ECE1: variants seen among roughly 807,000 people sequenced by gnomAD.
ECE1 encodes endothelin converting enzyme 1, also known as endothelin-converting enzyme 1.
In ECE1, 35 loss-of-function variants were observed where a neutral mutation model predicts 98.6. That is an observed-to-expected ratio of 0.35 (90% CI 0.27 to 0.47). The LOEUF is 0.47. ECE1 is among the 20% of genes least tolerant of loss of function. The pLI is 1.00. For synonymous variants in ECE1, 394 were observed against 407.1 expected (o/e 0.97, Z 0.39); for missense variants, 814 against 1,025.3 (o/e 0.79, Z 2.81).
intron 1 of ECE1, among the ~76,000 whole-genome samples, chr1:21,304,661 C>A (rs1159243152): frequency 1.3e-5 from 2 of 152,214 alleles, no homozygotes; most frequent in African/African-American, 4.8e-5. Flanking sequence ...ATGAGACTTA[C>A]TGGAAGGGCA....
chr1:21,280,846 T>C (rs541896388), intron 2 of ECE1, among the ~76,000 whole-genome samples: 18 of 151,950 alleles, frequency 1.2e-4, no homozygotes, highest in South Asian at 6.2e-4. Flanking sequence ...GCACCAGAGA[T>C]GGAGGAACAC....
At position 21,290,434 on chromosome 1, in the gene ECE1, G is replaced by A; in HGVS notation, c.-20C>T. 6 of 1,230,764 alleles carry A rather than the reference G, an allele frequency of 4.9e-6. No individual in the cohort carries two copies. The South Asian group carries it at 1.6e-4, about 33-fold the overall frequency. 76.2% of individuals were successfully genotyped at this position (1,230,764 alleles called of 1,614,324 possible). ...CCGCATGCTGTGCCCCAGACGCCTG[G>A]TCCCGCTGCCCGGGTGGCCGGGATG... On this transcript the variant is annotated 5_prime_UTR_variant, in exon 1 of 19. Coordinates refer to ENST00000374893, the MANE Select transcript of ECE1 (RefSeq NM_001397.3). The surrounding 1 kb of genome is among the most constrained non-coding windows in gnomAD (Gnocchi z 7.3).
In ECE1 at chr1:21,290,308, C is replaced by A. The variant is rs1452180657; in HGVS notation, c.51+56G>T. Reference sequence around the variant, plus strand: ...AGACCGGCCCACGGAGCGGCCCGCGCGGGGAGGGGTCCCGCCCGCCTCCCG... The same window carrying A: ...AGACCGGCCCACGGAGCGGCCCGCGAGGGGAGGGGTCCCGCCCGCCTCCCG... On this transcript the variant is annotated intron_variant, in intron 1 of 18. Transcript: ENST00000374893. The surrounding 1 kb of genome is among the most constrained non-coding windows in gnomAD (Gnocchi z 7.3). 5 of 1,237,028 alleles carry A rather than the reference C, an allele frequency of 4.0e-6. No individual in the cohort carries two copies. The highest frequency in any genetic ancestry group is 1.6e-5 in the African/African-American group (1 of 63,310). The allele number at this position is 1,237,028 out of a possible 1,614,324, so 76.6% of individuals were successfully genotyped here. A position where few individuals can be genotyped will look rare whatever the true frequency, so the allele number is the denominator to read the frequency against.
chr1:21,312,829 TA>T (rs1039884121), intron 1 of ECE1, among the ~76,000 whole-genome samples: 34 of 151,938 alleles, frequency 2.2e-4, no homozygotes, highest in Non-Finnish European at 4.1e-4. Flanking sequence ...GGTTTATCAT[TA>T]AAAAAACAAA....
chr1:21,261,758 C>A (rs3026875), intron 4 of ECE1, among the ~76,000 whole-genome samples: 1,719 of 152,284 alleles, frequency 0.011, 32 homozygotes, highest in Non-Finnish European at 0.014. Context: ...AAAAGTCACT[C>A]CCTTCGGAGG....
intron 1 of ECE1, among the ~76,000 whole-genome samples, chr1:21,315,249 C>G (rs58079814): frequency 4.6e-5 from 7 of 152,132 alleles, no homozygotes. Flanking sequence ...CTGCTCATGT[C>G]CCAAGCAAAT....
chr1:21,262,035 C>T (rs2098227662), intron 4 of ECE1, among the ~76,000 whole-genome samples: 1 of 152,200 alleles, frequency 6.6e-6, no homozygotes. Flanking sequence ...CCGAGAGCTC[C>T]CTGCCCCCCG....
chr1:21,267,475 C>A (rs150801037), intron 4 of ECE1, among the ~76,000 whole-genome samples: 7 of 152,164 alleles, frequency 4.6e-5, no homozygotes, highest in African/African-American at 1.4e-4. Flanking sequence ...ACCATAAGAT[C>A]TTGTGAGACT....
chr1:21,290,060 G>T lies in ECE1; in HGVS notation c.138+10C>A. ...CGCCTGGACCTCGGGAGGGAGCGGA[G>T]GGCGCCTACCTGCAGGCCGTTGGGG... On this transcript the variant is annotated intron_variant, in intron 2 of 18. Transcript: ENST00000374893. The surrounding 1 kb of genome is among the most constrained non-coding windows in gnomAD (Gnocchi z 7.3). The T allele has an allele frequency of 6.8e-7, 1 of 1,467,752 alleles. No individual in the cohort carries two copies. Among genetic ancestry groups the T allele is most frequent in the Non-Finnish European group, 9.1e-7 (1 of 1,101,710 alleles). 90.9% of individuals were successfully genotyped at this position (1,467,752 alleles called of 1,614,324 possible).
intron 18 of ECE1, 143 bp downstream of exon 18, chr1:21,221,604 T>C (rs188884807): frequency 3.4e-6 from 3 of 882,164 alleles, no homozygotes; most frequent in East Asian, 2.4e-5. Flanking sequence ...ATCTCTCTAA[T>C]GACAGGGCAC....
intron 1 of ECE1, among the ~76,000 whole-genome samples, chr1:21,341,613 A>C (rs1639400165): frequency 6.6e-6 from 1 of 152,204 alleles, no homozygotes. Flanking sequence ...AAAAGGTAAC[A>C]ACATCCTTGT....
intron 1 of ECE1, among the ~76,000 whole-genome samples, chr1:21,331,969 C>G (rs1639208385): frequency 6.6e-6 from 1 of 152,144 alleles, no homozygotes; most frequent in Admixed American, 6.5e-5. Context: ...CTCCCAGGAG[C>G]CTCCTCAGAA....
rs781575211 is a variant in ECE1 at position 21,244,978 on chromosome 1, A to AG, written c.1278+10dup. The AG allele has an allele frequency of 3.1e-6, 5 of 1,611,938 alleles. No homozygotes were observed. The highest frequency in any genetic ancestry group is 4.2e-6 in the Non-Finnish European group (5 of 1,178,112). ...CAGCCCATATTCAGGCATACGCAGT[A>AG]GCAGGCTCACCTTCTTGGTCCCGTA... On this transcript the variant is annotated intron_variant, in intron 10 of 18. Transcript: ENST00000374893.
At chr1:21,325,113 A>G (rs1253572781) in intron 1 of ECE1, among the ~76,000 whole-genome samples, 2 of 152,180 alleles carry the variant, frequency 1.3e-5, no homozygotes, top group Non-Finnish European at 2.9e-5. Context: ...TGCAAAATCC[A>G]ATTTTGTGTA....
At position 21,307,664 on chromosome 1, in the gene ECE1, G is replaced by A. The variant is rs1219240072; in HGVS notation, c.4-17508C>T. Among the ~76,000 whole-genome samples the A allele has an allele frequency of 6.6e-6, 1 of 152,174 alleles. No homozygotes were observed. The highest frequency in any genetic ancestry group is 1.5e-5 in the Non-Finnish European group (1 of 68,020). On this transcript the variant is annotated intron_variant, in intron 1 of 18. Coordinates refer to the ECE1 transcript ENST00000415912. The surrounding 1 kb of genome is among the most constrained non-coding windows in gnomAD (Gnocchi z 4.2). ...GGCTGGGGCTTCTTTGTACCTCTGAGGTACAAAGTGGAAGCTCTGCCTGGC... is the reference window on the plus strand; with the variant it reads ...GGCTGGGGCTTCTTTGTACCTCTGAAGTACAAAGTGGAAGCTCTGCCTGGC...
rs141488069 is a variant in ECE1 at position 21,253,007 on chromosome 1, C to G, written c.1020+2940G>C. Among the ~76,000 whole-genome samples the G allele has an allele frequency of 3.9e-4, 60 of 152,234 alleles. 1 individual carries two copies. Among genetic ancestry groups the G allele is most frequent in the African/African-American group, 1.4e-3 (57 of 41,536 alleles). On this transcript the variant is annotated intron_variant, in intron 8 of 18. Transcript: ENST00000374893. The stretch of plus-strand genomic sequence containing the variant: ...CAGGAAGAGATTCTTACTTAGAACA[C>G]AGGCTTCAGGGGGCCAGGACTTCTT...
intron 1 of ECE1, among the ~76,000 whole-genome samples, chr1:21,316,786 A>G (rs1294223511): frequency 6.6e-6 from 1 of 152,190 alleles, no homozygotes; most frequent in Non-Finnish European, 1.5e-5. Context: ...AGTGGCTGCA[A>G]CTCAAACAAC....
At chr1:21,222,512 C>G (rs1233579293) in intron 17 of ECE1, among the ~76,000 whole-genome samples, 1 of 152,098 alleles carries the variant, frequency 6.6e-6, no homozygotes, top group Non-Finnish European at 1.5e-5. Context: ...TAATGGTCAC[C>G]GCTGCAATGA....
Position 21,235,853 on chromosome 1 carries a change from A to G in ECE1, c.1563T>C (p.Asn521=). 6.2e-7 allele frequency: 1 copy of G among 1,614,204 alleles called. No homozygotes were observed. Among genetic ancestry groups the G allele is most frequent in the South Asian group, 1.1e-5 (1 of 91,088 alleles). Residue 521 remains asparagine (N), a synonymous_variant, in exon 13 of 19, where the codon AAT becomes AAC. Coordinates refer to ENST00000374893, the MANE Select transcript of ECE1 (RefSeq NM_001397.3). This position sits in a 1 kb window ranked among gnomAD's most constrained non-coding sequence, Gnocchi z 4.2. Reference sequence around the variant, plus strand: ...GGGCAGGGCAGCAGCTACTCACGTCATTAAACACTTTGTCCAGCTCCTTGG... The same window carrying G: ...GGGCAGGGCAGCAGCTACTCACGTCGTTAAACACTTTGTCCAGCTCCTTGG... ...MDPKELDKVF[N]DYTAVPDLYF...
Sources: allele counts gnomAD v4.1 joint callset (sites outside exome capture counted in the v4.1 genomes callset), GRCh38; gene constraint gnomAD v4.1.1; non-coding constraint Gnocchi (gnomAD v3.1); transcripts MANE v1.5; gene names NCBI Gene and HGNC (gene_info 2026-07-23, HGNC 2026-07-21).